Variants in ABCC1 observed in about 807,000 individuals in gnomAD.
ABCC1 encodes the protein multidrug resistance-associated protein 1.
A neutral mutation model predicts 172.9 loss-of-function variants in ABCC1; 83 were observed. The observed-to-expected ratio is 0.48, with a 90% CI of 0.40 to 0.58. ABCC1 has a LOEUF of 0.58. ABCC1 is among the 20% of genes least tolerant of loss of function. ABCC1 has a pLI of 0.00. For missense variants in ABCC1, 1,817 were observed against 2,002.7 expected (o/e 0.91, Z 1.77); for synonymous variants, 937 against 825.2 (o/e 1.14, Z -2.32).
chr16:16,060,520 C>T (rs756531008), intron 12 of ABCC1, among the ~76,000 whole-genome samples: 1 of 151,840 alleles, frequency 6.6e-6, no homozygotes, highest in African/African-American at 2.4e-5. Flanking sequence ...TTGATGAACT[C>T]TCTCTTTTTT....
chr16:15,989,645 CTTGG>C (rs1273496158), intron 1 of ABCC1, among the ~76,000 whole-genome samples: 15 of 152,038 alleles, frequency 9.9e-5, no homozygotes, highest in Admixed American at 9.2e-4. Flanking sequence ...CCGTCTGTTC[CTTGG>C]TTGGTTGTGC....
At chr16:16,035,678 G>A (rs1244102436) in intron 6 of ABCC1, among the ~76,000 whole-genome samples, 4 of 150,960 alleles carry the variant, frequency 2.6e-5, no homozygotes, top group Non-Finnish European at 5.9e-5. Flanking sequence ...TTTACTTTTC[G>A]TAGAGATAGT....
intron 1 of ABCC1, among the ~76,000 whole-genome samples, chr16:16,002,771 C>CAAAAA (rs34530270): frequency 7.7e-6 from 1 of 129,296 alleles, no homozygotes. Flanking sequence ...GACCTTGTCT[C>CAAAAA]AAAAAAAAAA....
chr16:16,033,772 C>T (rs546101897), intron 6 of ABCC1, among the ~76,000 whole-genome samples: 64 of 151,892 alleles, frequency 4.2e-4, no homozygotes, highest in African/African-American at 1.4e-3. Context: ...TACAGGCTTG[C>T]GCCACCATGC....
Position 16,082,051 on chromosome 16 carries a change from GATA to G in ABCC1, c.2116-1313_2116-1311del, listed in dbSNP as rs1229474824. Among the ~76,000 whole-genome samples, 9 of 152,200 alleles carry G rather than the reference GATA, an allele frequency of 5.9e-5. No homozygotes were observed. In the East Asian group the frequency reaches 1.7e-3, roughly 29 times the overall value. ...CTTCAGGGGCTCCCCTTGCCCCTCTGATAAAGCCCATGCTCCCCACCAAGTATA... is the reference window on the plus strand; with the variant it reads ...CTTCAGGGGCTCCCCTTGCCCCTCTGAAGCCCATGCTCCCCACCAAGTATA... On this transcript the variant is annotated intron_variant, in intron 16 of 30. Coordinates refer to ENST00000399410, the MANE Select transcript of ABCC1 (RefSeq NM_004996.4).
intron 1 of ABCC1, among the ~76,000 whole-genome samples, chr16:15,992,971 C>T (rs1022412623): frequency 6.6e-6 from 1 of 152,134 alleles, no homozygotes; most frequent in Admixed American, 6.5e-5. Context: ...TTTGCACAGC[C>T]AGCTCTTCCT....
chr16:16,081,029 G>A (rs991360698), intron 16 of ABCC1, among the ~76,000 whole-genome samples: 14 of 151,990 alleles, frequency 9.2e-5, no homozygotes, highest in Non-Finnish European at 1.9e-4. Context: ...TACTGCACCC[G>A]GCTAATTTTT....
chr16:16,044,428 G>A (rs766048504), intron 7 of ABCC1, 22 bp from the exon 8 acceptor site: 4 of 1,606,024 alleles, frequency 2.5e-6, no homozygotes, highest in Non-Finnish European at 3.4e-6. Context: ...CCCCACAACG[G>A]CTTCACCTCC....
At chr16:16,097,021 A>T (rs534156335) in intron 19 of ABCC1, among the ~76,000 whole-genome samples, 3 of 151,836 alleles carry the variant, frequency 2.0e-5, no homozygotes, top group Non-Finnish European at 2.9e-5. Flanking sequence ...TGTGGCACTT[A>T]TTGCTGCCTG....
intron 28 of ABCC1, among the ~76,000 whole-genome samples, chr16:16,135,809 C>T (rs1414482570): frequency 6.6e-6 from 1 of 152,066 alleles, no homozygotes; most frequent in Non-Finnish European, 1.5e-5. Flanking sequence ...AATATGTTGC[C>T]TTTTAGTGTA....
intron 9 of ABCC1, among the ~76,000 whole-genome samples, chr16:16,047,418 C>T (rs987656037): frequency 4.6e-5 from 7 of 152,272 alleles, no homozygotes; most frequent in African/African-American, 1.7e-4. Flanking sequence ...CAGCCCACCA[C>T]GTAGCTGGGC....
In ABCC1 at chr16:16,131,923, T is replaced by TG; in HGVS notation, c.3959dup (p.Glu1321ArgfsTer77). The TG allele has an allele frequency of 6.2e-7, 1 of 1,613,698 alleles. No individual in the cohort carries two copies. Among genetic ancestry groups the TG allele is most frequent in the South Asian group, 1.1e-5 (1 of 91,052 alleles). ...TCAGGCACATCAATGTCACGATCAATGGGGGAGAAAAGGTGGGTACACATC... is the reference window on the plus strand; with the variant it reads ...TCAGGCACATCAATGTCACGATCAATGGGGGGAGAAAAGGTGGGTACACATC... On this transcript the variant is annotated frameshift_variant, in exon 27 of 31. Coordinates refer to ENST00000399410, the MANE Select transcript of ABCC1 (RefSeq NM_004996.4). LOFTEE classifies it high-confidence loss of function.
chr16:16,118,691 A>G (rs1035732147), intron 23 of ABCC1, among the ~76,000 whole-genome samples: 1 of 151,888 alleles, frequency 6.6e-6, no homozygotes, highest in Non-Finnish European at 1.5e-5. Context: ...GCAAAGGACC[A>G]AGTTCTAGGT....
At chr16:16,122,277 A>C (rs894975967) in intron 24 of ABCC1, 103 bp downstream of exon 24, 3 of 1,294,586 alleles carry the variant, frequency 2.3e-6, no homozygotes, top group East Asian at 4.8e-5. Context: ...TATAAAGCCA[A>C]ACCCCGGCCT....
intron 1 of ABCC1, among the ~76,000 whole-genome samples, chr16:15,997,981 TG>T (rs959807210): frequency 1.3e-5 from 2 of 151,260 alleles, no homozygotes; most frequent in East Asian, 1.9e-4. Context: ...GGCTGGCTAA[TG>T]TATTTTTTTT....
chr16:16,089,750 G>T (rs902286536), intron 18 of ABCC1, among the ~76,000 whole-genome samples: 2 of 150,330 alleles, frequency 1.3e-5, no homozygotes, highest in Admixed American at 6.7e-5. Flanking sequence ...GGTGGCGGGC[G>T]CATGTAATCC....
intron 6 of ABCC1, among the ~76,000 whole-genome samples, chr16:16,036,266 A>G (rs150212569): frequency 6.6e-6 from 1 of 151,390 alleles, no homozygotes; most frequent in African/African-American, 2.4e-5. Context: ...ATGACCCAAC[A>G]GAATGAGCTG....
chr16:16,045,395 CAA>C (rs34870561), intron 8 of ABCC1, among the ~76,000 whole-genome samples: 4 of 64,702 alleles, frequency 6.2e-5, no homozygotes, highest in Non-Finnish European at 5.9e-5. Flanking sequence ...GACTTTGTCT[CAA>C]AAAAAAAAAA....
intron 1 of ABCC1, among the ~76,000 whole-genome samples, chr16:16,006,454 A>T (rs113787955): frequency 1.3e-5 from 2 of 152,128 alleles, no homozygotes; most frequent in African/African-American, 4.8e-5. Context: ...TAAATTCTTC[A>T]TTACAGAACA....
Sources: gnomAD v4.1 joint callset for allele counts (sites outside exome capture counted in the v4.1 genomes callset) on GRCh38, gnomAD v4.1.1 for gene constraint, MANE v1.5 for transcripts, NCBI Gene and HGNC (gene_info 2026-07-23, HGNC 2026-07-21) for gene names.